CCDC169: variants seen among roughly 807,000 people sequenced by gnomAD.
CCDC169 encodes the protein coiled-coil domain-containing protein 169.
Under a neutral mutation model 36.0 loss-of-function variants are expected in CCDC169, and 30 were observed. The observed-to-expected ratio is 0.83, with a 90% CI of 0.62 to 1.13. CCDC169 has a LOEUF of 1.13. Among genes scored for constraint, CCDC169 ranks in the 50% most tolerant of loss-of-function variants. The pLI, the probability that CCDC169 is intolerant of heterozygous loss-of-function variation, is 0.00. For missense variants in CCDC169, 245 were observed against 245.9 expected (o/e 1.00, Z 0.03); for synonymous variants, 85 against 81.5 (o/e 1.04, Z -0.23).
In CCDC169 at chr13:36,297,747, T is replaced by C. The variant is rs1333461584; in HGVS notation, c.-28A>G. 3 of 1,547,558 alleles carry C rather than the reference T, an allele frequency of 1.9e-6. No individual in the cohort carries two copies. Among genetic ancestry groups the C allele is most frequent in the East Asian group, 4.9e-5 (2 of 40,892 alleles). On this transcript the variant is annotated 5_prime_UTR_variant, in exon 1 of 8. Transcript: ENST00000239859. ...TGTCAGGCCAGAGACCTCCCGCGTC[T>C]TTCCCCTCAGCACCTTAGAGCACAA...
chr13:36,242,070 C>T (rs961637123), intron 7 of CCDC169, among the ~76,000 whole-genome samples: 4 of 152,140 alleles, frequency 2.6e-5, no homozygotes, highest in Non-Finnish European at 5.9e-5. Flanking sequence ...CCTGAGGCCT[C>T]CCCAAACATG....
At chr13:36,260,648 T>A (rs1874494460) in intron 4 of CCDC169, among the ~76,000 whole-genome samples, 1 of 152,220 alleles carries the variant, frequency 6.6e-6, no homozygotes, top group African/African-American at 2.4e-5. Flanking sequence ...GTATCTAGGT[T>A]AAGGTCTTAC....
chr13:36,269,260 T>C (rs149845912), intron 4 of CCDC169, among the ~76,000 whole-genome samples: 140 of 152,176 alleles, frequency 9.2e-4, no homozygotes, highest in South Asian at 1.5e-3. Flanking sequence ...TAATAAGCAA[T>C]GAGATTGAAT....
chr13:36,295,879 T>C, intron 1 of CCDC169, 22 bp from the exon 2 acceptor site: 1 of 1,349,366 alleles, frequency 7.4e-7, no homozygotes, highest in South Asian at 1.3e-5. Flanking sequence ...AATATTTTTG[T>C]TGATTATAAT....
At chr13:36,229,900 C>G (rs1406069741), downstream of CCDC169, among the ~76,000 whole-genome samples, 2 of 151,976 alleles carry the variant, frequency 1.3e-5, no homozygotes, top group Non-Finnish European at 2.9e-5. Context: ...TGGTATAAGA[C>G]ATAAAAATCT....
intron 4 of CCDC169, among the ~76,000 whole-genome samples, chr13:36,275,914 A>C (rs1431525874): frequency 1.3e-5 from 2 of 152,204 alleles, no homozygotes; most frequent in Non-Finnish European, 2.9e-5. Context: ...CATGACATGG[A>C]CCACAACAGA....
At chr13:36,290,692 T>C (rs927681249) in intron 2 of CCDC169, among the ~76,000 whole-genome samples, 1 of 152,210 alleles carries the variant, frequency 6.6e-6, no homozygotes, top group African/African-American at 2.4e-5. Context: ...AGAGAATTTA[T>C]AGATAACTCA....
At chr13:36,276,933 C>T (rs1367612771) in intron 4 of CCDC169, among the ~76,000 whole-genome samples, 1 of 152,130 alleles carries the variant, frequency 6.6e-6, no homozygotes, top group Non-Finnish European at 1.5e-5. Context: ...GGCCTTACTC[C>T]AGACCTACCA....
At position 36,295,864 on chromosome 13, in the gene CCDC169, T is replaced by C. The variant is rs1354896578; in HGVS notation, c.84-7A>G. 12 of 1,486,404 alleles carry C rather than the reference T, an allele frequency of 8.1e-6. No individual in the cohort carries two copies. Among genetic ancestry groups the C allele is most frequent in the African/African-American group, 1.4e-5 (1 of 71,136 alleles). The allele number at this position is 1,486,404 out of a possible 1,614,324, so 92.1% of individuals were successfully genotyped here. ...TGAGAGTTGCACTGCATCCCTGTTA[T>C]TTAAAATATTTTTGTTGATTATAAT... On this transcript the variant is annotated splice_polypyrimidine_tract_variant and splice_region_variant and intron_variant, in intron 1 of 7. Transcript: ENST00000239859.
intron 4 of CCDC169, among the ~76,000 whole-genome samples, chr13:36,263,252 C>A (rs1260986497): frequency 6.6e-6 from 1 of 152,096 alleles, no homozygotes; most frequent in Non-Finnish European, 1.5e-5. Flanking sequence ...AAAATTTAAT[C>A]CCCAACTGAT....
At chr13:36,255,159 G>T (rs1873702978) in intron 4 of CCDC169, among the ~76,000 whole-genome samples, 1 of 152,210 alleles carries the variant, frequency 6.6e-6, no homozygotes, top group Non-Finnish European at 1.5e-5. Context: ...TCTTGGGCCA[G>T]TTCTAGGAAC....
chr13:36,280,150 T>G (rs904439734), intron 4 of CCDC169: 36 of 152,196 alleles, frequency 2.4e-4, no homozygotes, highest in Admixed American at 8.5e-4. Context: ...TGCATTTTTA[T>G]ACATACAACA....
chr13:36,269,008 G>A (rs1875692389), intron 4 of CCDC169, among the ~76,000 whole-genome samples: 1 of 152,092 alleles, frequency 6.6e-6, no homozygotes. Flanking sequence ...GGGAGGCTGA[G>A]GCAGGAGAAT....
At chr13:36,274,052 C>A (rs1461088606) in intron 4 of CCDC169, among the ~76,000 whole-genome samples, 2 of 152,150 alleles carry the variant, frequency 1.3e-5, no homozygotes, top group African/African-American at 4.8e-5. Flanking sequence ...CCACTTCATT[C>A]TCCTTCTCTA....
intron 7 of CCDC169, among the ~76,000 whole-genome samples, chr13:36,239,849 T>C (rs1871557520): frequency 6.6e-6 from 1 of 152,146 alleles, no homozygotes; most frequent in Non-Finnish European, 1.5e-5. Flanking sequence ...CAGTTTCCTG[T>C]GGTCAGCCAT....
intron 2 of CCDC169, among the ~76,000 whole-genome samples, chr13:36,288,819 A>G (rs990153184): frequency 2.6e-5 from 4 of 152,174 alleles, no homozygotes; most frequent in Non-Finnish European, 5.9e-5. Flanking sequence ...TGTGGATACA[A>G]AAATGTATTT....
chr13:36,229,542 T>TTG (rs953703829), downstream of CCDC169, among the ~76,000 whole-genome samples: 6 of 146,874 alleles, frequency 4.1e-5, no homozygotes, highest in Admixed American at 1.4e-4. Context: ...ATAATAATGT[T>TTG]TTTTTTTTTT....
chr13:36,268,597 A>G (rs1219367666), intron 4 of CCDC169, among the ~76,000 whole-genome samples: 3 of 152,184 alleles, frequency 2.0e-5, no homozygotes, highest in Non-Finnish European at 4.4e-5. Flanking sequence ...ACCCAAAGCT[A>G]CAAGAAGAAA....
chr13:36,251,594 T>A (rs150649220), intron 6 of CCDC169, among the ~76,000 whole-genome samples: 1 of 152,194 alleles, frequency 6.6e-6, no homozygotes, highest in African/African-American at 2.4e-5. Context: ...ATCACCTTTT[T>A]CTTAATAACT....
Sources: allele counts gnomAD v4.1 joint callset (sites outside exome capture counted in the v4.1 genomes callset), GRCh38; gene constraint gnomAD v4.1.1; transcripts MANE v1.5; gene names NCBI Gene and HGNC (gene_info 2026-07-23, HGNC 2026-07-21).